The following WDR17 variants were observed in gnomAD, a reference collection of about 807,000 sequenced individuals.
WDR17 encodes WD repeat domain 17, also known as WD repeat-containing protein 17.
WDR17 carries 143 observed loss-of-function variants against 161.7 expected under a neutral mutation model. The observed-to-expected ratio is 0.88, with a 90% CI of 0.77 to 1.02. The LOEUF (loss-of-function observed/expected upper bound fraction) is 1.02. Ranked by LOEUF, WDR17 falls within the 50% of genes least tolerant of loss-of-function variation. WDR17 has a pLI of 0.00. For synonymous variants in WDR17, 517 were observed against 515.6 expected, an observed-to-expected ratio of 1.00 and a Z score of -0.04; for missense variants, 1,469 against 1,520.9, an observed-to-expected ratio of 0.97 and a Z score of 0.57.
At chr4:176,116,041 C>T (rs541475192) in intron 3 of WDR17, 62 bp downstream of exon 3, 7 of 1,449,766 alleles carry the variant, frequency 4.8e-6, no homozygotes. Context: ...CAAGCACTAT[C>T]AATATTATTA....
intron 1 of WDR17, among the ~76,000 whole-genome samples, chr4:176,098,826 A>C (rs531447475): frequency 1.4e-3 from 206 of 151,872 alleles, no homozygotes; most frequent in Admixed American, 1.2e-3. Flanking sequence ...TTTTTTTTGA[A>C]ATAGCTATTT....
At chr4:176,074,349 A>T (rs903406677) in intron 1 of WDR17, among the ~76,000 whole-genome samples, 2 of 140,742 alleles carry the variant, frequency 1.4e-5, no homozygotes, top group Non-Finnish European at 3.1e-5. Flanking sequence ...ATTTTTCTCT[A>T]TTCCACAGAT....
intron 6 of WDR17, among the ~76,000 whole-genome samples, chr4:176,130,599 G>C (rs1261623867): frequency 6.6e-6 from 1 of 151,738 alleles, no homozygotes; most frequent in East Asian, 1.9e-4. Flanking sequence ...AAAAAAATTA[G>C]CCGGGCGTGG....
intron 1 of WDR17, among the ~76,000 whole-genome samples, chr4:176,066,577 G>A (rs996846653): frequency 3.3e-5 from 5 of 152,094 alleles, no homozygotes; most frequent in Non-Finnish European, 5.9e-5. Context: ...TAAGTAGATC[G>A]TAAAATAGAA....
chr4:176,096,368 T>C (rs539850270), intron 1 of WDR17: 397 of 455,512 alleles, frequency 8.7e-4, no homozygotes, highest in African/African-American at 7.1e-3. Flanking sequence ...TCAGCTGAAA[T>C]ATTTGTGCAG....
intron 1 of WDR17, among the ~76,000 whole-genome samples, chr4:176,086,105 T>C (rs1735382451): frequency 6.6e-6 from 1 of 152,010 alleles, no homozygotes; most frequent in African/African-American, 2.4e-5. Context: ...TTGTGGATTT[T>C]GTAGTTTTAT....
At chr4:176,169,601 T>G (rs1750404780) in intron 23 of WDR17, among the ~76,000 whole-genome samples, 1 of 152,272 alleles carries the variant, frequency 6.6e-6, no homozygotes, top group Non-Finnish European at 1.5e-5. Context: ...TTTCTCATCT[T>G]GAACTTCTAA....
intron 1 of WDR17, among the ~76,000 whole-genome samples, chr4:176,070,107 G>A (rs1733033636): frequency 6.6e-6 from 1 of 152,110 alleles, no homozygotes; most frequent in African/African-American, 2.4e-5. Flanking sequence ...ATTAATAAGG[G>A]AAAAGCTGGC....
rs767282159 is a variant in WDR17, at chr4:176,177,099, T to C, written c.3491T>C (p.Ile1164Thr). The C allele has an allele frequency of 6.2e-7, 1 of 1,613,904 alleles. No homozygotes were observed. Among genetic ancestry groups the C allele is most frequent in the South Asian group, 1.1e-5 (1 of 91,078 alleles). The stretch of plus-strand genomic sequence containing the variant: ...CGGGAGGTGTCAGTACCTTTAAAAA[T>C]TGAATATCTTTCTGAGGAATTGGAT... ...KRREVSVPLK[I>T]EYLSEELDAW... Residue 1164 changes from isoleucine to threonine, a missense_variant, in exon 27 of 29, where the codon ATT (isoleucine) becomes ACT (threonine). Transcript: ENST00000508596.
rs976384950 is a variant in WDR17 at position 176,134,884 on chromosome 4, C to T, written c.1099-224C>T. ...GAGTTTAGTTGCTGATTTGAGGAAC[C>T]GTGGTTGACTAAAATCTAGGTCTGT... On this transcript the variant is annotated intron_variant, in intron 7 of 28. Coordinates refer to ENST00000508596, the MANE Select transcript of WDR17 (RefSeq NM_181265.4). Among the ~76,000 whole-genome samples the T allele has an allele frequency of 4.6e-5, 7 of 151,494 alleles. No homozygotes were observed. The East Asian group carries it at 5.8e-4, about 13-fold the overall frequency.
intron 22 of WDR17, among the ~76,000 whole-genome samples, chr4:176,167,661 A>AAAAAAAAAC: frequency 8.8e-6 from 1 of 113,736 alleles, no homozygotes; most frequent in Non-Finnish European, 1.8e-5. Flanking sequence ...AAAAAAAAAA[A>AAAAAAAAAC]AAAAAAAAAA....
chr4:176,154,109 G>T (rs1173453705), intron 17 of WDR17, among the ~76,000 whole-genome samples: 2 of 152,104 alleles, frequency 1.3e-5, no homozygotes, highest in African/African-American at 2.4e-5. Flanking sequence ...ATCTGTTTGG[G>T]AAGCTTAATA....
At chr4:176,154,564 G>C (rs1350056526) in intron 17 of WDR17, among the ~76,000 whole-genome samples, 1 of 151,996 alleles carries the variant, frequency 6.6e-6, no homozygotes, top group Non-Finnish European at 1.5e-5. Context: ...ATTTTTTTAA[G>C]CTTATCTATT....
intron 1 of WDR17, among the ~76,000 whole-genome samples, chr4:176,103,574 A>G (rs1738174969): frequency 6.6e-6 from 1 of 152,138 alleles, no homozygotes; most frequent in South Asian, 2.1e-4. Context: ...TGTATGAACA[A>G]AATAGAAATA....
chr4:176,117,358 A>T (rs1481347018), intron 3 of WDR17, among the ~76,000 whole-genome samples: 1 of 151,964 alleles, frequency 6.6e-6, no homozygotes, highest in East Asian at 1.9e-4. Context: ...TTTGTGTGAG[A>T]TTAATTTTAA....
chr4:176,079,644 T>G (rs1336136394), intron 1 of WDR17, among the ~76,000 whole-genome samples: 1 of 152,124 alleles, frequency 6.6e-6, no homozygotes, highest in African/African-American at 2.4e-5. Context: ...TACATACATA[T>G]GTTGTCTTCA....
At chr4:176,107,337 T>C (rs1738909752) in intron 1 of WDR17, among the ~76,000 whole-genome samples, 2 of 151,266 alleles carry the variant, frequency 1.3e-5, no homozygotes, top group Admixed American at 6.6e-5. Flanking sequence ...CCTGTTGTAA[T>C]GTAAAATGGA....
At chr4:176,142,144 A>G (rs1057311294) in intron 11 of WDR17, 75 bp downstream of exon 11, 66 of 1,240,142 alleles carry the variant, frequency 5.3e-5, no homozygotes, top group Non-Finnish European at 7.3e-5. Flanking sequence ...GTTTAGTGCT[A>G]TTTCCAAAGG....
At chr4:176,166,144 G>A in intron 22 of WDR17, 2 of 1,017,674 alleles carry the variant, frequency 2.0e-6, no homozygotes, top group Admixed American at 3.0e-5. Flanking sequence ...GTTGGATACA[G>A]GTATTATCTA....
Sources: allele counts gnomAD v4.1 joint callset (sites outside exome capture counted in the v4.1 genomes callset), GRCh38; gene constraint gnomAD v4.1.1; transcripts MANE v1.5; gene names NCBI Gene and HGNC (gene_info 2026-07-23, HGNC 2026-07-21).